The following PLXNC1 variants were observed in gnomAD, a reference collection of about 807,000 sequenced individuals.
PLXNC1 encodes the protein plexin C1, also known as plexin-C1.
A neutral mutation model predicts 178.2 loss-of-function variants in PLXNC1; 75 were observed. That is an observed-to-expected ratio of 0.42 (90% confidence interval 0.35 to 0.51). The LOEUF (loss-of-function observed/expected upper bound fraction) is 0.51. Ranked by LOEUF, PLXNC1 falls within the 20% of genes least tolerant of loss-of-function variation. The pLI, the probability that PLXNC1 is intolerant of heterozygous loss-of-function variation, is 0.02. For synonymous variants in PLXNC1, 790 were observed against 779.9 expected (o/e 1.01, Z -0.22); for missense variants, 1,503 against 1,984.4 (o/e 0.76, Z 4.61).
chr12:94,241,058 G>C (rs930964767), intron 11 of PLXNC1, among the ~76,000 whole-genome samples: 30 of 152,134 alleles, frequency 2.0e-4, no homozygotes, highest in African/African-American at 7.2e-4. Context: ...AATATTGGGA[G>C]CTATCAAAAT....
chr12:94,227,194 C>T lies in PLXNC1; in HGVS notation c.1939C>T (p.Pro647Ser), dbSNP rs1963966369. The change falls in exon 9 of 31, where the codon CCC becomes TCC. Residue 647 changes from proline (P) to serine (S), a missense_variant. Transcript: ENST00000258526. ...AVEKTSGGGR[P>S]KENKGNRTNQ... is the part of the protein sequence containing the mutation. ...CGAGAAGACATCAGGAGGAGGAAGA[C>T]CCAAGGAGAACAAGGGGAACAGAAC... 13 of 1,613,292 alleles carry T rather than the reference C, an allele frequency of 8.1e-6. No individual in the cohort carries two copies. The East Asian group carries it at 2.5e-4, about 30-fold the overall frequency.
intron 30 of PLXNC1, among the ~76,000 whole-genome samples, chr12:94,304,771 G>A (rs938763250): frequency 5.3e-5 from 8 of 152,102 alleles, no homozygotes; most frequent in Admixed American, 1.3e-4. Context: ...GCACGAGGAG[G>A]GACTACACTG....
chr12:94,305,424 G>A lies in PLXNC1; in HGVS notation c.*139G>A, dbSNP rs1219079593. 4 of 608,014 alleles carry A rather than the reference G, an allele frequency of 6.6e-6. No homozygotes were observed. The highest frequency in any genetic ancestry group is 1.2e-5 in the Non-Finnish European group (4 of 338,906). 37.7% of individuals were successfully genotyped at this position (608,014 alleles called of 1,614,324 possible). A position where few individuals can be genotyped will look rare whatever the true frequency, so the allele number is the denominator to read the frequency against. On this transcript the variant is annotated 3_prime_UTR_variant, in exon 31 of 31. Coordinates refer to ENST00000258526, the MANE Select transcript of PLXNC1 (RefSeq NM_005761.3). ...GGGCACTGTCTTTTTAAGAGACCAA[G>A]GCACATGCACAGCTTTTAGAAAGCA...
intron 1 of PLXNC1, among the ~76,000 whole-genome samples, chr12:94,154,508 A>T (rs1961086134): frequency 6.6e-6 from 1 of 152,238 alleles, no homozygotes; most frequent in South Asian, 2.1e-4. Context: ...GGGATTCCCC[A>T]CTTATAAATA....
intron 12 of PLXNC1, among the ~76,000 whole-genome samples, chr12:94,246,493 T>G (rs749961969): frequency 6.6e-6 from 1 of 152,220 alleles, no homozygotes; most frequent in Non-Finnish European, 1.5e-5. Context: ...GTGGCAAAGC[T>G]TCATTTTAAG....
chr12:94,152,541 G>C (rs1390804607), intron 1 of PLXNC1, among the ~76,000 whole-genome samples: 2 of 152,218 alleles, frequency 1.3e-5, no homozygotes, highest in African/African-American at 4.8e-5. Context: ...TTCAGGTCTT[G>C]AATGTGTTTT....
chr12:94,162,016 C>T (rs966367571), intron 1 of PLXNC1, among the ~76,000 whole-genome samples: 6 of 152,058 alleles, frequency 3.9e-5, no homozygotes, highest in African/African-American at 7.3e-5. Context: ...ATGCTGCATT[C>T]GAAGTGTAGA....
intron 27 of PLXNC1, 67 bp downstream of exon 27, chr12:94,298,862 CATAG>C: frequency 7.2e-7 from 1 of 1,383,584 alleles, no homozygotes. Flanking sequence ...AAAAGAAAGA[CATAG>C]ATAGTTATAG....
At chr12:94,258,906 G>A (rs1964925119) in intron 17 of PLXNC1, among the ~76,000 whole-genome samples, 2 of 152,218 alleles carry the variant, frequency 1.3e-5, no homozygotes, top group South Asian at 4.1e-4. Flanking sequence ...CAATATCATT[G>A]TGTATTGAAA....
chr12:94,295,901 C>T (rs1326403156), intron 24 of PLXNC1, among the ~76,000 whole-genome samples: 2 of 152,188 alleles, frequency 1.3e-5, no homozygotes, highest in Non-Finnish European at 2.9e-5. Flanking sequence ...TCACCCTGCA[C>T]TCTTTACAGA....
At chr12:94,194,668 C>A (rs1962851932) in intron 4 of PLXNC1, among the ~76,000 whole-genome samples, 1 of 152,136 alleles carries the variant, frequency 6.6e-6, no homozygotes, top group African/African-American at 2.4e-5. Context: ...GTGGAAGGAT[C>A]ATTTGAACAT....
chr12:94,167,198 G>A (rs1035148859), intron 1 of PLXNC1, among the ~76,000 whole-genome samples: 1 of 152,120 alleles, frequency 6.6e-6, no homozygotes, highest in African/African-American at 2.4e-5. Context: ...TTGCAAACAG[G>A]ATCTCTCATC....
chr12:94,293,035 GT>G (rs1156887127), intron 23 of PLXNC1, among the ~76,000 whole-genome samples: 1 of 151,472 alleles, frequency 6.6e-6, no homozygotes, highest in African/African-American at 2.4e-5. Flanking sequence ...TAACATGATA[GT>G]TTTGACTGTT....
At chr12:94,156,902 A>C (rs1015738838) in intron 1 of PLXNC1, among the ~76,000 whole-genome samples, 2 of 151,896 alleles carry the variant, frequency 1.3e-5, no homozygotes, top group African/African-American at 4.8e-5. Context: ...TTTGGTAAAG[A>C]TGAGGTCTTG....
chr12:94,198,277 C>G (rs1364509075), intron 4 of PLXNC1, among the ~76,000 whole-genome samples: 2 of 152,154 alleles, frequency 1.3e-5, no homozygotes, highest in East Asian at 3.8e-4. Flanking sequence ...CAAACTAACG[C>G]AGGAACAGAA....
At position 94,150,088 on chromosome 12, in the gene PLXNC1, C is replaced by A. The variant is rs368135054; in HGVS notation, c.1062+55C>A. Reference sequence around the variant, plus strand: ...AGCGCTGCTGCCGGGGAGCCGCCGCCGCCGCCGAGGCAGAACGAGCTGGGG... The same window carrying A: ...AGCGCTGCTGCCGGGGAGCCGCCGCAGCCGCCGAGGCAGAACGAGCTGGGG... On this transcript the variant is annotated intron_variant, in intron 1 of 30. Coordinates refer to ENST00000258526, the MANE Select transcript of PLXNC1 (RefSeq NM_005761.3). The A allele has an allele frequency of 6.7e-4, 938 of 1,393,186 alleles. 5 individuals are homozygous for A. In the African/African-American group the frequency reaches 0.013, roughly 19 times the overall value. 86.3% of individuals were successfully genotyped at this position (1,393,186 alleles called of 1,614,324 possible).
intron 28 of PLXNC1, among the ~76,000 whole-genome samples, chr12:94,302,856 T>C (rs1037552217): frequency 6.6e-6 from 1 of 152,196 alleles, no homozygotes; most frequent in African/African-American, 2.4e-5. Flanking sequence ...CATTGTACTC[T>C]CAATGCCTGC....
intron 1 of PLXNC1, among the ~76,000 whole-genome samples, chr12:94,157,488 A>C (rs539515633): frequency 6.6e-6 from 1 of 152,184 alleles, no homozygotes; most frequent in Non-Finnish European, 1.5e-5. Context: ...TTTTCTTATT[A>C]TGTTTTTTAT....
chr12:94,278,004 A>C (rs186875899), intron 21 of PLXNC1: 2 of 456,054 alleles, frequency 4.4e-6, no homozygotes, highest in Non-Finnish European at 8.8e-6. Context: ...CTCTGCATAT[A>C]TACCTGGCTA....
Sources: allele counts gnomAD v4.1 joint callset (sites outside exome capture counted in the v4.1 genomes callset), GRCh38; gene constraint gnomAD v4.1.1; transcripts MANE v1.5; gene names NCBI Gene and HGNC (gene_info 2026-07-23, HGNC 2026-07-21).